ZFR: variants seen among roughly 807,000 people sequenced by gnomAD.
ZFR encodes the protein zinc finger RNA-binding protein.
Under a neutral mutation model 130.7 loss-of-function variants are expected in ZFR, and 19 were observed. The observed-to-expected ratio is 0.15, with a 90% CI of 0.10 to 0.21. The LOEUF is 0.21. Among genes scored for constraint, ZFR ranks in the 10% least tolerant of loss-of-function variants. The pLI, the probability that ZFR is intolerant of heterozygous loss-of-function variation, is 1.00. For missense variants in ZFR, 872 were observed against 1,321.5 expected (o/e 0.66, Z 5.27); for synonymous variants, 466 against 456.9 (o/e 1.02, Z -0.25).
rs1253520372 is a variant in ZFR, at chr5:32,406,910, GCA to G, written c.894_895del (p.Ala299AsnfsTer11). 1 of 1,601,862 alleles carries G rather than the reference GCA, an allele frequency of 6.2e-7. No homozygotes were observed. The highest frequency in any genetic ancestry group is 8.5e-7 in the Non-Finnish European group (1 of 1,175,884). ...GGTGGTCCCTGTCCAGGCAGCTGTT[GCA>G]GCAGCAGCAGCAGCTGCTGCTGCTG... On this transcript the variant is annotated frameshift_variant, in exon 6 of 20. Coordinates refer to ENST00000265069, the MANE Select transcript of ZFR (RefSeq NM_016107.5). LOFTEE classifies it high-confidence loss of function.
chr5:32,410,479 G>C lies in ZFR; in HGVS notation c.785-3458C>G, dbSNP rs190562185. Among the ~76,000 whole-genome samples the C allele has an allele frequency of 2.5e-3, 374 of 151,774 alleles. 2 individuals carry two copies. Among genetic ancestry groups the C allele is most frequent in the Non-Finnish European group, 3.9e-3 (267 of 67,952 alleles). On this transcript the variant is annotated intron_variant, in intron 5 of 19. Coordinates refer to ENST00000265069, the MANE Select transcript of ZFR (RefSeq NM_016107.5). ...CAAAAATAAAAAATTAGCCAGGCAT[G>C]GTGGCTCACGTCTGTAGTCCCAGCT...
At position 32,357,337 on chromosome 5, in the gene ZFR, C is replaced by A. The variant is rs141373326; in HGVS notation, c.3046-1398G>T. Among the ~76,000 whole-genome samples the A allele has an allele frequency of 2.3e-3, 349 of 152,290 alleles. 4 individuals carry two copies. Among genetic ancestry groups the A allele is most frequent in the African/African-American group, 8.2e-3 (341 of 41,564 alleles). On this transcript the variant is annotated intron_variant, in intron 19 of 19. Transcript: ENST00000265069. Reference sequence around the variant, plus strand: ...TTGGAGTGCAGTGGCGCGATCTCAGCTTACTGCAACCTCCGCCTCTAGGGT... The same window carrying A: ...TTGGAGTGCAGTGGCGCGATCTCAGATTACTGCAACCTCCGCCTCTAGGGT...
intron 5 of ZFR, among the ~76,000 whole-genome samples, chr5:32,412,388 T>G (rs1412221807): frequency 1.3e-5 from 2 of 152,172 alleles, no homozygotes; most frequent in Non-Finnish European, 2.9e-5. Context: ...ACTTCAAAAA[T>G]ATCACTATCA....
At chr5:32,398,837 C>G (rs199830102) in intron 9 of ZFR, among the ~76,000 whole-genome samples, 2 of 152,050 alleles carry the variant, frequency 1.3e-5, no homozygotes, top group South Asian at 4.2e-4. Flanking sequence ...GTGTGCGCAA[C>G]TACTGGCCTT....
At chr5:32,431,520 T>C (rs1219396865) in intron 2 of ZFR, among the ~76,000 whole-genome samples, 1 of 152,232 alleles carries the variant, frequency 6.6e-6, no homozygotes. Flanking sequence ...GTTATTCACA[T>C]TAAATGTGCT....
intron 17 of ZFR, chr5:32,364,972 C>T (rs1184872828): frequency 1.3e-5 from 2 of 152,114 alleles, no homozygotes; most frequent in Non-Finnish European, 2.9e-5. Context: ...CCAAAAGAAA[C>T]CACATAGCCA....
intron 3 of ZFR, among the ~76,000 whole-genome samples, chr5:32,418,507 G>A (rs1753882440): frequency 6.6e-6 from 1 of 152,206 alleles, no homozygotes; most frequent in South Asian, 2.1e-4. Context: ...TGAGCTGAGT[G>A]AATTCTGGCA....
chr5:32,387,518 G>A (rs1475465731), intron 14 of ZFR, 31 bp downstream of exon 14: 3 of 1,605,836 alleles, frequency 1.9e-6, no homozygotes, highest in East Asian at 4.5e-5. Context: ...ACCAGACAAG[G>A]GGTAAAAATG....
intron 5 of ZFR, among the ~76,000 whole-genome samples, chr5:32,407,886 G>C (rs952210253): frequency 7.2e-5 from 11 of 152,032 alleles, no homozygotes; most frequent in African/African-American, 2.7e-4. Flanking sequence ...TGGAGACGGG[G>C]TTTCGCCACG....
At chr5:32,396,483 G>A (rs1319342159) in intron 10 of ZFR, among the ~76,000 whole-genome samples, 1 of 152,142 alleles carries the variant, frequency 6.6e-6, no homozygotes, top group Non-Finnish European at 1.5e-5. Flanking sequence ...GCTCACGCAT[G>A]TAATCCCAGC....
chr5:32,366,528 AAC>A (rs1491346428), intron 17 of ZFR, among the ~76,000 whole-genome samples: 1 of 152,234 alleles, frequency 6.6e-6, no homozygotes, highest in East Asian at 1.9e-4. Flanking sequence ...AATACACTTA[AAC>A]ACACACAATA....
At chr5:32,359,018 G>A (rs1035284202) in intron 19 of ZFR, among the ~76,000 whole-genome samples, 1 of 152,088 alleles carries the variant, frequency 6.6e-6, no homozygotes, top group Non-Finnish European at 1.5e-5. Flanking sequence ...AACATAAGGA[G>A]ACCCTGTCTC....
At chr5:32,384,532 G>C (rs1020544911) in intron 15 of ZFR, among the ~76,000 whole-genome samples, 11 of 152,112 alleles carry the variant, frequency 7.2e-5, no homozygotes, top group Non-Finnish European at 1.6e-4. Context: ...AGAGACTACT[G>C]ATGCTATTTT....
At position 32,400,222 on chromosome 5, in the gene ZFR, G is replaced by A. The variant is rs146854450; in HGVS notation, c.1517-19C>T. ...TTACCACCTAGAAAAGTATCAAAAA[G>A]TTAAAAAAAATTTTATTTTTGTATA... On this transcript the variant is annotated intron_variant, in intron 8 of 19. Transcript: ENST00000265069. 6.9e-5 allele frequency: 106 copies of A among 1,529,574 alleles called. No individual in the cohort carries two copies. In the African/African-American group the frequency reaches 1.4e-3, roughly 20 times the overall value. The allele number at this position is 1,529,574 out of a possible 1,614,324, so 94.8% of individuals were successfully genotyped here.
intron 2 of ZFR, among the ~76,000 whole-genome samples, chr5:32,436,842 A>G (rs1476282681): frequency 5.9e-5 from 9 of 152,170 alleles, no homozygotes; most frequent in Non-Finnish European, 1.5e-5. Flanking sequence ...GGATACTGAT[A>G]ATGTTCTGTT....
chr5:32,401,915 ATAATGT>A (rs1753456749), intron 8 of ZFR, among the ~76,000 whole-genome samples: 1 of 152,190 alleles, frequency 6.6e-6, no homozygotes, highest in South Asian at 2.1e-4. Flanking sequence ...AAACAAAGAA[ATAATGT>A]TAGTGGATTT....
At chr5:32,367,043 C>A (rs901210894) in intron 17 of ZFR, among the ~76,000 whole-genome samples, 2 of 151,956 alleles carry the variant, frequency 1.3e-5, no homozygotes, top group South Asian at 4.1e-4. Context: ...CAAGTGAATG[C>A]CACTGCACTC....
chr5:32,381,196 T>C (rs992516655), intron 15 of ZFR, among the ~76,000 whole-genome samples: 1 of 152,080 alleles, frequency 6.6e-6, no homozygotes, highest in Non-Finnish European at 1.5e-5. Flanking sequence ...AAAACATAAA[T>C]GAGCTACACA....
intron 2 of ZFR, among the ~76,000 whole-genome samples, chr5:32,435,304 A>T: frequency 6.6e-6 from 1 of 152,338 alleles, no homozygotes; most frequent in Non-Finnish European, 1.5e-5. Context: ...ATTCACACTG[A>T]GTGAGATGGG....
Sources: allele counts gnomAD v4.1 joint callset (sites outside exome capture counted in the v4.1 genomes callset), GRCh38; gene constraint gnomAD v4.1.1; transcripts MANE v1.5; gene names NCBI Gene and HGNC (gene_info 2026-07-23, HGNC 2026-07-21).